The following MYH1 variants were observed in gnomAD, a reference collection of about 807,000 sequenced individuals.
MYH1 encodes the protein myosin-1.
MYH1 carries 214 observed loss-of-function variants against 225.6 expected under a neutral mutation model. That is an observed-to-expected ratio of 0.95 (90% CI 0.85 to 1.06). The LOEUF is 1.06. MYH1 is among the 50% of genes least tolerant of loss of function. MYH1 has a pLI of 0.00. For missense variants in MYH1, 2,098 were observed against 2,344.2 expected (o/e 0.89, Z 2.17); for synonymous variants, 774 against 842.3 (o/e 0.92, Z 1.40).
chr17:10,497,793 C>G lies in MYH1; in HGVS notation c.4306G>C (p.Val1436Leu), dbSNP rs372720413. 7 of 1,614,062 alleles carry G rather than the reference C, an allele frequency of 4.3e-6. No individual in the cohort carries two copies. The African/African-American group carries it at 8.0e-5, about 18-fold the overall frequency. ...QNEVEDLMID[V>L]ERTNAACAAL... ...GCACAGGCAGCATTTGTCCTCTCAACATCAATCATGAGGTCCTCAACTTCA... is the reference window on the plus strand; with the variant it reads ...GCACAGGCAGCATTTGTCCTCTCAAGATCAATCATGAGGTCCTCAACTTCA... Residue 1436 changes from valine (V) to leucine (L), a missense_variant, in exon 31 of 40, where the codon GTT (valine) becomes CTT (leucine). Val to Leu is a conservative substitution (Grantham distance 32). Coordinates refer to ENST00000226207, the MANE Select transcript of MYH1 (RefSeq NM_005963.4).
In MYH1 at chr17:10,503,036, A is replaced by C. The variant is rs2142264942; in HGVS notation, c.2904T>G (p.Val968=). Reference sequence around the variant, plus strand: ...TTTCTGTGGCATGTTTCTCCTTCTCAACCTTGGCCAGTGTCAGCTCAAGGT... The same window carrying C: ...TTTCTGTGGCATGTTTCTCCTTCTCCACCTTGGCCAGTGTCAGCTCAAGGT... ...IDDLELTLAK[V]EKEKHATENK... Residue 968 remains valine (V), a synonymous_variant, in exon 23 of 40, where the codon GTT becomes GTG. Transcript: ENST00000226207. 2 of 1,613,682 alleles carry C rather than the reference A, an allele frequency of 1.2e-6. No individual in the cohort carries two copies. Among genetic ancestry groups the C allele is most frequent in the Non-Finnish European group, 1.7e-6 (2 of 1,179,824 alleles).
At chr17:10,502,033 C>A in intron 24 of MYH1, 122 bp from the exon 25 acceptor site, 1 of 961,798 alleles carries the variant, frequency 1.0e-6, no homozygotes, top group Non-Finnish European at 1.5e-6. Flanking sequence ...CAGATTTGTC[C>A]CATTGATTCC....
In MYH1 at chr17:10,496,367, A is replaced by G. The variant is rs754029170; in HGVS notation, c.4839T>C (p.Asn1613=). ...TCTTCTTCTTGAGCCTAATGGCATCATTCCTGCTCCTGATCTCAGCATCCA... is the reference window on the plus strand; with the variant it reads ...TCTTCTTCTTGAGCCTAATGGCATCGTTCCTGCTCCTGATCTCAGCATCCA... ...STLDAEIRSR[N]DAIRLKKKME... Residue 1613 remains asparagine, a synonymous_variant, in exon 34 of 40, where the codon AAT becomes AAC. Transcript: ENST00000226207. 43 of 1,613,856 alleles carry G rather than the reference A, an allele frequency of 2.7e-5. No homozygotes were observed. In the South Asian group the frequency reaches 3.5e-4, roughly 13 times the overall value.
In MYH1 at chr17:10,496,134, T is replaced by C; in HGVS notation, c.4985A>G (p.Asp1662Gly). 1 of 1,614,152 alleles carries C rather than the reference T, an allele frequency of 6.2e-7. No homozygotes were observed. The highest frequency in any genetic ancestry group is 8.5e-7 in the Non-Finnish European group (1 of 1,180,028). Reference sequence around the variant, plus strand: ...GTCCTCCTGGCTCCGGAGAGCATCATCCAGGTGGAGCTGGGTATCCTGTGG... The same window carrying C: ...GTCCTCCTGGCTCCGGAGAGCATCACCCAGGTGGAGCTGGGTATCCTGTGG... ...AILKDTQLHL[D>G]DALRSQEDLK... Residue 1662 changes from aspartate (D) to glycine (G), a missense_variant, in exon 35 of 40, where the codon GAT (aspartate) becomes GGT (glycine). Transcript: ENST00000226207.
chr17:10,501,998 G>T, intron 24 of MYH1, 87 bp from the exon 25 acceptor site: 2 of 1,308,864 alleles, frequency 1.5e-6, no homozygotes, highest in Non-Finnish European at 2.1e-6. Flanking sequence ...TATCTATGCA[G>T]CAAACTATTT....
At position 10,502,725 on chromosome 17, in the gene MYH1, A is replaced by G; in HGVS notation, c.3111+13T>C. The G allele has an allele frequency of 1.2e-6, 2 of 1,614,184 alleles. No homozygotes were observed. Among genetic ancestry groups the G allele is most frequent in the Non-Finnish European group, 1.7e-6 (2 of 1,180,028 alleles). On this transcript the variant is annotated intron_variant, in intron 24 of 39. Transcript: ENST00000226207. ...AAATTTAAAAAATCATTTTTATATA[A>G]TGTTAGGCTTACATCATCCACTTGT...
chr17:10,495,231 G>A lies in MYH1; in HGVS notation c.5256C>T (p.Ala1752=). 1 of 1,614,098 alleles carries A rather than the reference G, an allele frequency of 6.2e-7. No individual in the cohort carries two copies. Among genetic ancestry groups the A allele is most frequent in the South Asian group, 1.1e-5 (1 of 91,060 alleles). ...TCTTGGCCTTCTCTTCTGCATTGCGGGCTTCCTGGATGATGTCTTCCATCT... is the reference window on the plus strand; with the variant it reads ...TCTTGGCCTTCTCTTCTGCATTGCGAGCTTCCTGGATGATGTCTTCCATCT... ...QGEMEDIIQE[A]RNAEEKAKKA... The change falls in exon 36 of 40, where the codon GCC becomes GCT. Residue 1752 remains alanine, a synonymous_variant. Transcript: ENST00000226207.
chr17:10,504,743 T>G (rs1304949690), intron 22 of MYH1, 67 bp downstream of exon 22: 1 of 1,551,112 alleles, frequency 6.4e-7, no homozygotes, highest in Non-Finnish European at 8.8e-7. Flanking sequence ...AATCTAGATC[T>G]CTCCTTAGTG....
Position 10,511,836 on chromosome 17 carries a change from C to T in MYH1, c.1416+3G>A. The T allele has an allele frequency of 6.2e-7, 1 of 1,614,108 alleles. No individual in the cohort carries two copies. The highest frequency in any genetic ancestry group is 8.5e-7 in the Non-Finnish European group (1 of 1,179,988). ...TTTTGGTACAATTTTTCTGCTAACT[C>T]ACATCAAAGATCTCAAAGCCAGCAA... is the stretch of plus-strand genomic sequence containing the variant. On this transcript the variant is annotated splice_donor_region_variant and intron_variant, in intron 14 of 39. Transcript: ENST00000226207.
chr17:10,505,184 T>C lies in MYH1; in HGVS notation c.2414A>G (p.Tyr805Cys). The C allele has an allele frequency of 1.2e-6, 2 of 1,614,204 alleles. No individual in the cohort carries two copies. The highest frequency in any genetic ancestry group is 1.7e-6 in the Non-Finnish European group (2 of 1,180,034). Residue 805 changes from tyrosine to cysteine, a missense_variant, in exon 21 of 40, where the codon TAC (tyrosine) becomes TGC (cysteine). Coordinates refer to ENST00000226207, the MANE Select transcript of MYH1 (RefSeq NM_005963.4). ...ATACCTTCTTTCCACCATTTTCTGGTACTCCACTCTTGCCAAGAACCCTCT... is the reference window on the plus strand; with the variant it reads ...ATACCTTCTTTCCACCATTTTCTGGCACTCCACTCTTGCCAAGAACCCTCT... Reference protein sequence around the residue: ...MCRGFLARVEYQKMVERRESI... With the variant: ...MCRGFLARVECQKMVERRESI...
chr17:10,504,577 C>T (rs761300992), intron 22 of MYH1, among the ~76,000 whole-genome samples: 60 of 152,194 alleles, frequency 3.9e-4, no homozygotes, highest in Non-Finnish European at 7.2e-4. Flanking sequence ...CTGTAGAAAA[C>T]AACAGAGGGG....
chr17:10,513,715 T>C (rs2073195493), intron 8 of MYH1, 26 bp from the exon 9 acceptor site: 1 of 1,613,296 alleles, frequency 6.2e-7, no homozygotes, highest in African/African-American at 1.3e-5. Flanking sequence ...AATGATGTTA[T>C]ACCCAAAGCT....
rs2072965480 is a variant in MYH1 at position 10,494,385 on chromosome 17, A to C, written c.5636T>G (p.Val1879Gly). The C allele has an allele frequency of 6.2e-7, 1 of 1,613,936 alleles. No individual in the cohort carries two copies. The highest frequency in any genetic ancestry group is 8.5e-7 in the Non-Finnish European group (1 of 1,180,030). The change falls in exon 39 of 40, where the codon GTG becomes GGG. Residue 1879 changes from valine (V) to glycine (G), a missense_variant. By Grantham distance (109) the Val-to-Gly change is moderately radical. Transcript: ENST00000226207. Reference protein sequence around the residue: ...QDLVDKLQAKVKSYKRQAEEA... With the variant: ...QDLVDKLQAKGKSYKRQAEEA... ...TTCAGCTTGTCTCTTGTAGGATTTC[A>C]CCTTTGCTTGCAGTTTGTCCACCAG...
chr17:10,513,106 T>A (rs550282089), intron 9 of MYH1, 141 bp from the exon 10 acceptor site: 1 of 642,708 alleles, frequency 1.6e-6, no homozygotes, highest in East Asian at 2.7e-5. Context: ...CCACATATTA[T>A]GTCTCTACAA....
chr17:10,505,038 A>G lies in MYH1; in HGVS notation c.2463T>C (p.Asn821=), dbSNP rs367892120. Residue 821 remains asparagine, a synonymous_variant, in exon 22 of 40, where the codon AAT becomes AAC. Transcript: ENST00000226207. Reference sequence around the variant, plus strand: ...GCTTCACATTCATGAAGGCACGGACATTGTACTGGATGCAGAAGATGGACT... The same window carrying G: ...GCTTCACATTCATGAAGGCACGGACGTTGTACTGGATGCAGAAGATGGACT... ...RRESIFCIQY[N]VRAFMNVKHW... The G allele has an allele frequency of 1.2e-5, 19 of 1,614,072 alleles. No homozygotes were observed. The highest frequency in any genetic ancestry group is 1.5e-5 in the Non-Finnish European group (18 of 1,180,044).
rs1393037490 is a variant in MYH1 at position 10,494,341 on chromosome 17, G to A, written c.5667+13C>T. On this transcript the variant is annotated intron_variant, in intron 39 of 39. Transcript: ENST00000226207. ...TGTCTGAGAAAAATCACCCCAAGGG[G>A]TTGTGAACTCACCGCTTCTTCAGCT... 1 of 1,612,620 alleles carries A rather than the reference G, an allele frequency of 6.2e-7. No individual in the cohort carries two copies. Among genetic ancestry groups the A allele is most frequent in the African/African-American group, 1.3e-5 (1 of 74,822 alleles).
At position 10,501,484 on chromosome 17, in the gene MYH1, G is replaced by C. The variant is rs200140162; in HGVS notation, c.3364C>G (p.Leu1122Val). ...CGCTCTGCCTCGATTTCCTCCTCCA[G>C]CTCCTCAATGCGGGCCTGGGAATGG... ...IKELQARIEELEEEIEAERAS... is the reference protein window; with the variant it reads ...IKELQARIEEVEEEIEAERAS... Residue 1122 changes from leucine to valine, a missense_variant, in exon 27 of 40, where the codon CTG becomes GTG. Transcript: ENST00000226207. 2 of 1,614,064 alleles carry C rather than the reference G, an allele frequency of 1.2e-6. No homozygotes were observed. Among genetic ancestry groups the C allele is most frequent in the Non-Finnish European group, 1.7e-6 (2 of 1,180,052 alleles).
intron 9 of MYH1, 146 bp downstream of exon 9, chr17:10,513,480 C>G (rs1660436624): frequency 1.3e-6 from 1 of 779,104 alleles, no homozygotes; most frequent in Non-Finnish European, 2.1e-6. Context: ...ATACTGTGGG[C>G]TATGGATAAG....
chr17:10,512,202 C>T lies in MYH1; in HGVS notation c.1148-10G>A, dbSNP rs1597442533. ...GCTGCCTTGTCAGCAACTGCAGAAACATAATTCAGATACCTAATATGACTT... is the reference window on the plus strand; with the variant it reads ...GCTGCCTTGTCAGCAACTGCAGAAATATAATTCAGATACCTAATATGACTT... On this transcript the variant is annotated splice_polypyrimidine_tract_variant and intron_variant, in intron 12 of 39. Transcript: ENST00000226207. 1.2e-6 allele frequency: 2 copies of T among 1,610,776 alleles called. No individual in the cohort carries two copies. Among genetic ancestry groups the T allele is most frequent in the East Asian group, 4.5e-5 (2 of 44,852 alleles).
Sources: gnomAD v4.1 joint callset for allele counts (sites outside exome capture counted in the v4.1 genomes callset) on GRCh38, gnomAD v4.1.1 for gene constraint, MANE v1.5 for transcripts, NCBI Gene and HGNC (gene_info 2026-07-23, HGNC 2026-07-21) for gene names.